TMEM178A: variants seen among roughly 807,000 people sequenced by gnomAD.
The protein encoded by TMEM178A is transmembrane protein 178A, also known as transmembrane protein 178.
TMEM178A carries 12 observed loss-of-function variants against 29.1 expected under a neutral mutation model. The ratio of observed to expected loss-of-function variants is 0.41; its 90% CI spans 0.26 to 0.67. TMEM178A has a LOEUF of 0.67. Among genes scored for constraint, TMEM178A ranks in the 30% least tolerant of loss-of-function variants. TMEM178A has a pLI of 0.29. For missense variants in TMEM178A, 366 were observed against 419.1 expected (o/e 0.87, Z 1.11); for synonymous variants, 210 against 187.2 (o/e 1.12, Z -0.99).
chr2:39,665,887 G>C (rs1485635666), upstream of TMEM178A: 15 of 1,194,036 alleles, frequency 1.3e-5, no homozygotes, highest in Admixed American at 4.3e-5. Flanking sequence ...GGGGAAGAGG[G>C]AGGGAGCGGG....
rs1480631099 is a variant in TMEM178A, at chr2:39,666,188, C to G, written c.214C>G (p.Pro72Ala). ...LSHLPLRDSP[P>A]LGRRLLPGGP... ...GCACCTGCCGCTGCGGGACTCGCCC[C>G]CGCTGGGGCGCCGGCTGCTCCCGGG... Residue 72 changes from proline to alanine, a missense_variant, in exon 1 of 4, where the codon CCG (proline) becomes GCG (alanine). Physicochemically the swap from Pro to Ala is conservative, Grantham distance 27. Coordinates refer to ENST00000281961, the MANE Select transcript of TMEM178A (RefSeq NM_152390.3). 1 of 1,446,842 alleles carries G rather than the reference C, an allele frequency of 6.9e-7. No individual in the cohort carries two copies. Among genetic ancestry groups the G allele is most frequent in the East Asian group, 3.1e-5 (1 of 32,506 alleles). The allele number at this position is 1,446,842 out of a possible 1,614,324, so 89.6% of individuals were successfully genotyped here.
At chr2:39,698,066 A>G (rs1671626158) in intron 1 of TMEM178A, 1 of 152,256 alleles carries the variant, frequency 6.6e-6, no homozygotes, top group Non-Finnish European at 1.5e-5. Flanking sequence ...TGTTTCCAAA[A>G]GAGCACATGT....
intron 1 of TMEM178A, among the ~76,000 whole-genome samples, chr2:39,668,822 G>A (rs956375586): frequency 2.0e-5 from 3 of 152,142 alleles, no homozygotes; most frequent in South Asian, 2.1e-4. Flanking sequence ...GGTGACAAGA[G>A]CAGCTTTAAA....
rs537010616 is a variant in TMEM178A at position 39,677,716 on chromosome 2, C to T, written c.400+11342C>T. ...TTCAAGTCAAAACCTTTCCAGCAAA[C>T]CTCAGGTTTCCTGTGCTAGGCTCCT... On this transcript the variant is annotated intron_variant, in intron 1 of 3. Coordinates refer to ENST00000281961, the MANE Select transcript of TMEM178A (RefSeq NM_152390.3). Among the ~76,000 whole-genome samples, 94 of 152,124 alleles carry T rather than the reference C, an allele frequency of 6.2e-4. 1 individual carries two copies. Among genetic ancestry groups the T allele is most frequent in the African/African-American group, 2.0e-3 (85 of 41,498 alleles).
At chr2:39,702,875 A>T (rs116464297) in intron 1 of TMEM178A, among the ~76,000 whole-genome samples, 1 of 152,102 alleles carries the variant, frequency 6.6e-6, no homozygotes, top group Non-Finnish European at 1.5e-5. Flanking sequence ...CTTTTGATTC[A>T]GTATATCTGG....
the TMEM178A span, among the ~76,000 whole-genome samples, chr2:39,732,759 G>A: frequency 6.6e-6 from 1 of 152,138 alleles, no homozygotes; most frequent in African/African-American, 2.4e-5. Flanking sequence ...GGGTCTCTAA[G>A]GGCATTAGGG....
At chr2:39,697,987 T>G (rs1428458545) in intron 1 of TMEM178A, 1 of 152,274 alleles carries the variant, frequency 6.6e-6, no homozygotes, top group African/African-American at 2.4e-5. Context: ...TTCTGTGAGA[T>G]GCAGGTAGGA....
intron 1 of TMEM178A, among the ~76,000 whole-genome samples, chr2:39,701,448 A>G (rs910040935): frequency 2.6e-5 from 4 of 151,994 alleles, no homozygotes; most frequent in East Asian, 1.9e-4. Context: ...GTATATGATA[A>G]TTTGCTTTTT....
At chr2:39,725,345 C>T in the TMEM178A span, among the ~76,000 whole-genome samples, 3 of 152,138 alleles carry the variant, frequency 2.0e-5, no homozygotes, top group Non-Finnish European at 4.4e-5. Flanking sequence ...GTCTGCGATA[C>T]GCCTACATAA....
Position 39,665,933 on chromosome 2 carries a change from C to A in TMEM178A, c.-42C>A, listed in dbSNP as rs575665669. On this transcript the variant is annotated 5_prime_UTR_variant, in exon 1 of 4. Coordinates refer to ENST00000281961, the MANE Select transcript of TMEM178A (RefSeq NM_152390.3). ...GGGCCAAGTGCATTGTGTCTGGCGG[C>A]GGCGCGCGAGCCCACCGGCGGCTGC... The A allele has an allele frequency of 1.5e-6, 2 of 1,344,468 alleles. No homozygotes were observed. The highest frequency in any genetic ancestry group is 1.9e-6 in the Non-Finnish European group (2 of 1,052,232). The allele number at this position is 1,344,468 out of a possible 1,614,324, so 83.3% of individuals were successfully genotyped here. A position where few individuals can be genotyped will look rare whatever the true frequency, so the allele number is the denominator to read the frequency against.
chr2:39,705,720 C>T (rs2148105372), intron 2 of TMEM178A, among the ~76,000 whole-genome samples: 1 of 152,298 alleles, frequency 6.6e-6, no homozygotes, highest in South Asian at 2.1e-4. Flanking sequence ...CTCCATGAAG[C>T]CGCCCCTAAG....
chr2:39,707,126 A>G lies in TMEM178A; in HGVS notation c.592A>G (p.Ser198Gly). 1.9e-6 allele frequency: 3 copies of G among 1,614,108 alleles called. No homozygotes were observed. The highest frequency in any genetic ancestry group is 2.5e-6 in the Non-Finnish European group (3 of 1,180,004). Residue 198 changes from serine (S) to glycine (G), a missense_variant, in exon 3 of 4, where the codon AGT becomes GGT. By Grantham distance (56) the Ser-to-Gly change is moderately conservative. Coordinates refer to ENST00000281961, the MANE Select transcript of TMEM178A (RefSeq NM_152390.3). The stretch of plus-strand genomic sequence containing the variant: ...CTGCGGCTGCATTGTGGCCACAGTC[A>G]GTTTCTTCTGGGAGGAGAGCTTGAC... ...LLCGCIVATV[S>G]FFWEESLTQH...
At chr2:39,716,734 C>A (rs898371444) in intron 3 of TMEM178A, among the ~76,000 whole-genome samples, 4 of 151,994 alleles carry the variant, frequency 2.6e-5, no homozygotes, top group African/African-American at 9.7e-5. Flanking sequence ...ATATATATAA[C>A]CATTTGAATT....
chr2:39,676,849 C>A (rs1431000176), intron 1 of TMEM178A, among the ~76,000 whole-genome samples: 1 of 152,136 alleles, frequency 6.6e-6, no homozygotes, highest in South Asian at 2.1e-4. Context: ...CCAGATCTAC[C>A]ACTTTCTCCA....
the TMEM178A span, among the ~76,000 whole-genome samples, chr2:39,732,695 C>A: frequency 2.6e-5 from 4 of 152,184 alleles, no homozygotes; most frequent in Non-Finnish European, 4.4e-5. Context: ...TTGCTGCAGG[C>A]TTCACACACC....
chr2:39,733,092 A>C, the TMEM178A span, among the ~76,000 whole-genome samples: 1 of 152,186 alleles, frequency 6.6e-6, no homozygotes, highest in African/African-American at 2.4e-5. Context: ...TAGCTATTCC[A>C]GCTATAGACT....
the TMEM178A span, among the ~76,000 whole-genome samples, chr2:39,729,380 GTGTC>G: frequency 6.6e-6 from 1 of 152,152 alleles, no homozygotes; most frequent in Admixed American, 6.6e-5. Context: ...TCATATGTCA[GTGTC>G]TGGCCCCCAT....
At chr2:39,666,979 C>T (rs1410846006) in intron 1 of TMEM178A, among the ~76,000 whole-genome samples, 1 of 152,196 alleles carries the variant, frequency 6.6e-6, no homozygotes, top group Non-Finnish European at 1.5e-5. Context: ...TCCTTCATAC[C>T]CCTGAAGTGC....
chr2:39,730,070 AG>A, the TMEM178A span, among the ~76,000 whole-genome samples: 2 of 152,188 alleles, frequency 1.3e-5, no homozygotes, highest in Non-Finnish European at 2.9e-5. Flanking sequence ...TCTGATTACT[AG>A]GAACAAACAC....
Sources: allele counts gnomAD v4.1 joint callset (sites outside exome capture counted in the v4.1 genomes callset), GRCh38; gene constraint gnomAD v4.1.1; transcripts MANE v1.5; gene names NCBI Gene and HGNC (gene_info 2026-07-23, HGNC 2026-07-21).